Variants in SLC40A1 observed in about 807,000 individuals in gnomAD.
The protein encoded by SLC40A1 is solute carrier family 40 member 1, also known as ferroportin.
In SLC40A1, 16 loss-of-function variants were observed where a neutral mutation model predicts 53.5. That is an observed-to-expected ratio of 0.30 (90% CI 0.20 to 0.45). SLC40A1 has a LOEUF of 0.45. SLC40A1 is among the 20% of genes least tolerant of loss of function. The pLI, the probability that SLC40A1 is intolerant of heterozygous loss-of-function variation, is 1.00. For synonymous variants in SLC40A1, 247 were observed against 253.2 expected, an observed-to-expected ratio of 0.98 and a Z score of 0.23; for missense variants, 545 against 695.4, an observed-to-expected ratio of 0.78 and a Z score of 2.43.
At chr2:189,578,355 T>G in intron 2 of SLC40A1, 1 of 1,002,530 alleles carries the variant, frequency 1.0e-6, no homozygotes, top group Non-Finnish European at 1.2e-6. Context: ...CTTGACTTAC[T>G]GTAAAGTTGG....
rs982487102 is a variant in SLC40A1, at chr2:189,572,671, C to T, written c.387+175G>A. ...AAATTCAAACAATACTTAATGAGTG[C>T]CTGTTGTGGGCAAAACAACAACAAA... On this transcript the variant is annotated intron_variant, in intron 4 of 7. Transcript: ENST00000261024. The T allele has an allele frequency of 3.3e-5, 21 of 630,944 alleles. No individual in the cohort carries two copies. In the South Asian group the frequency reaches 3.8e-4, roughly 11 times the overall value. The allele number at this position is 630,944 out of a possible 1,614,324, so 39.1% of individuals were successfully genotyped here. A position where few individuals can be genotyped will look rare whatever the true frequency, so the allele number is the denominator to read the frequency against.
intron 4 of SLC40A1, among the ~76,000 whole-genome samples, chr2:189,572,324 G>A (rs946156027): frequency 6.6e-6 from 1 of 152,110 alleles, no homozygotes; most frequent in Admixed American, 6.6e-5. Context: ...ACCTGGCTTT[G>A]CAACTCTATA....
intron 5 of SLC40A1, among the ~76,000 whole-genome samples, chr2:189,570,187 C>T (rs2031083469): frequency 6.6e-6 from 1 of 151,476 alleles, no homozygotes; most frequent in Non-Finnish European, 1.5e-5. Flanking sequence ...TTTCATATTT[C>T]AGACTTTGCA....
At chr2:189,562,221 ATT>A in intron 7 of SLC40A1, 30 bp from the exon 8 acceptor site, 2 of 1,518,532 alleles carry the variant, frequency 1.3e-6, no homozygotes, top group South Asian at 1.2e-5. Context: ...TAAAGATTAG[ATT>A]TTAGTTTACA....
In SLC40A1 at chr2:189,580,402, G is replaced by C. The variant is rs755031977; in HGVS notation, c.43+16C>G. ...ACCTGGGTTTCCACCATATGCTTTC[G>C]GTCAACGACACTCACCACAGCATCC... is the stretch of plus-strand genomic sequence containing the variant. On this transcript the variant is annotated intron_variant, in intron 1 of 7. Coordinates refer to ENST00000261024, the MANE Select transcript of SLC40A1 (RefSeq NM_014585.6). 1.2e-6 allele frequency: 2 copies of C among 1,613,474 alleles called. No homozygotes were observed. Among genetic ancestry groups the C allele is most frequent in the South Asian group, 2.2e-5 (2 of 91,066 alleles).
At position 189,563,613 on chromosome 2, in the gene SLC40A1, A is replaced by T; in HGVS notation, c.1373T>A (p.Leu458Gln). The part of the protein sequence containing the change: ...ESVPIISVSL[L>Q]FAGVIAARIG... ...TCTAGCAGCAATGACGCCTGCAAAC[A>T]GCAGACTGACAGAGATTATGGGCAC... Residue 458 changes from leucine to glutamine, a missense_variant, in exon 7 of 8, where the codon CTG becomes CAG. Leu to Gln is a moderately radical substitution (Grantham distance 113). Transcript: ENST00000261024. The T allele has an allele frequency of 6.2e-7, 1 of 1,614,132 alleles. No homozygotes were observed. The highest frequency in any genetic ancestry group is 8.5e-7 in the Non-Finnish European group (1 of 1,179,988).
At chr2:189,580,254 G>T (rs1473321808) in intron 1 of SLC40A1, among the ~76,000 whole-genome samples, 164 bp downstream of exon 1, 1 of 152,164 alleles carries the variant, frequency 6.6e-6, no homozygotes, top group Admixed American at 6.5e-5. Flanking sequence ...CCCACACCCT[G>T]AATTTCCTTT....
intron 5 of SLC40A1, among the ~76,000 whole-genome samples, chr2:189,570,685 ATTC>A (rs2031098054): frequency 6.6e-6 from 1 of 152,200 alleles, no homozygotes; most frequent in Admixed American, 6.5e-5. Context: ...ATTCAGGCAA[ATTC>A]TTCTTCTAGA....
chr2:189,572,973 AAGAG>A lies in SLC40A1; in HGVS notation c.272-16_272-13del. On this transcript the variant is annotated splice_polypyrimidine_tract_variant and intron_variant, in intron 3 of 7. Coordinates refer to ENST00000261024, the MANE Select transcript of SLC40A1 (RefSeq NM_014585.6). Reference sequence around the variant, plus strand: ...CGAGGTCTGGGCCACTGTGCAGAGGAAGAGAGAAAGTGTACATTACATCAAAATG... The same window carrying A: ...CGAGGTCTGGGCCACTGTGCAGAGGAAGAAAGTGTACATTACATCAAAATG... 1 of 1,558,908 alleles carries A rather than the reference AAGAG, an allele frequency of 6.4e-7. No individual in the cohort carries two copies. The highest frequency in any genetic ancestry group is 1.4e-5 in the African/African-American group (1 of 73,826).
chr2:189,576,528 C>G (rs1167688472), intron 2 of SLC40A1, among the ~76,000 whole-genome samples: 2 of 152,214 alleles, frequency 1.3e-5, no homozygotes, highest in African/African-American at 4.8e-5. Flanking sequence ...CTCCTACCCC[C>G]ACCCCACCTC....
At chr2:189,568,420 C>T (rs937093793) in intron 5 of SLC40A1, among the ~76,000 whole-genome samples, 5 of 151,772 alleles carry the variant, frequency 3.3e-5, no homozygotes, top group Admixed American at 6.6e-5. Context: ...ACCCAGGAGG[C>T]GGAGCTTGCA....
chr2:189,575,275 G>A lies in SLC40A1; in HGVS notation c.157C>T (p.Leu53Phe). 1.2e-6 allele frequency: 2 copies of A among 1,614,028 alleles called. No homozygotes were observed. Among genetic ancestry groups the A allele is most frequent in the East Asian group, 2.2e-5 (1 of 44,872 alleles). ...HFAVSVFLVE[L>F]YGNSLLLTAV... ...GTCAAAAGGAGGCTGTTTCCATAGA[G>A]CTCTACCAGAAACACAGACACCGCA... The change falls in exon 3 of 8, where the codon CTC becomes TTC. Residue 53 changes from leucine to phenylalanine, a missense_variant. Leu to Phe is a conservative substitution (Grantham distance 22, BLOSUM62 0). Transcript: ENST00000261024.
In SLC40A1 at chr2:189,563,640, G is replaced by A; in HGVS notation, c.1346C>T (p.Ser449Phe). The A allele has an allele frequency of 6.2e-7, 1 of 1,614,158 alleles. No individual in the cohort carries two copies. The highest frequency in any genetic ancestry group is 8.5e-7 in the Non-Finnish European group (1 of 1,179,992). ...ANIVPETSPE[S>F]VPIISVSLLF... ...CAGACTGACAGAGATTATGGGCACA[G>A]ATTCAGGACTTGTCTCCGGGACAAT... The change falls in exon 7 of 8, where the codon TCT becomes TTT. Residue 449 changes from serine to phenylalanine, a missense_variant. Physicochemically the swap from Ser to Phe is radical, Grantham distance 155 (BLOSUM62 -2). Coordinates refer to ENST00000261024, the MANE Select transcript of SLC40A1 (RefSeq NM_014585.6).
In SLC40A1 at chr2:189,570,000, ATG is replaced by A. The variant is rs1052136997; in HGVS notation, c.514+1713_514+1714del. 2.9e-4 allele frequency among the ~76,000 whole-genome samples: 43 copies of A among 146,282 alleles called. 1 individual carries two copies. Among genetic ancestry groups the A allele is most frequent in the South Asian group, 2.2e-4 (1 of 4,622 alleles). ...TATATATATACACACCTATATATGT[ATG>A]TATATATATATACACACCTATATAT... On this transcript the variant is annotated intron_variant, in intron 5 of 7. Transcript: ENST00000261024.
chr2:189,565,336 T>A lies in SLC40A1; in HGVS notation c.760+18A>T, dbSNP rs1372007686. 2 of 1,614,054 alleles carry A rather than the reference T, an allele frequency of 1.2e-6. No homozygotes were observed. The highest frequency in any genetic ancestry group is 2.2e-5 in the South Asian group (2 of 91,062). On this transcript the variant is annotated intron_variant, in intron 6 of 7. Coordinates refer to ENST00000261024, the MANE Select transcript of SLC40A1 (RefSeq NM_014585.6). ...CTGAACATGAGAACAAAAGGAGAGA[T>A]CATTGTGTTCAGTTTACCTTTGTGT...
Position 189,576,525 on chromosome 2 carries a change from C to A in SLC40A1, c.112-1205G>T, listed in dbSNP as rs1201667597. Among the ~76,000 whole-genome samples, 3 of 152,094 alleles carry A rather than the reference C, an allele frequency of 2.0e-5. No homozygotes were observed. In the East Asian group the frequency reaches 5.8e-4, roughly 29 times the overall value. Reference sequence around the variant, plus strand: ...CTAGAGATGACTTTGCTTCTCCTACCCCCACCCCACCTCCCCGGGGATCAT... The same window carrying A: ...CTAGAGATGACTTTGCTTCTCCTACACCCACCCCACCTCCCCGGGGATCAT... On this transcript the variant is annotated intron_variant, in intron 2 of 7. Coordinates refer to ENST00000261024, the MANE Select transcript of SLC40A1 (RefSeq NM_014585.6).
intron 3 of SLC40A1, among the ~76,000 whole-genome samples, chr2:189,573,709 A>C (rs1019641792): frequency 3.9e-5 from 6 of 152,214 alleles, no homozygotes; most frequent in Non-Finnish European, 8.8e-5. Flanking sequence ...TAGGGTCATA[A>C]TGATGCTCAA....
At chr2:189,568,363 C>A (rs1015065067) in intron 5 of SLC40A1, among the ~76,000 whole-genome samples, 1 of 152,128 alleles carries the variant, frequency 6.6e-6, no homozygotes, top group African/African-American at 2.4e-5. Context: ...GTGGCGGGCG[C>A]CTGTAGTCAC....
rs370435973 is a variant in SLC40A1 at position 189,563,761 on chromosome 2, G to T, written c.1225C>A (p.Arg409=). 1 of 1,614,060 alleles carries T rather than the reference G, an allele frequency of 6.2e-7. No individual in the cohort carries two copies. Among genetic ancestry groups the T allele is most frequent in the Non-Finnish European group, 8.5e-7 (1 of 1,179,996 alleles). ...DLSVSPFEDI[R]SRFIQGESIT... ...GACTCTCCTTGAATGAACCTTGATC[G>T]GATATCTTCAAAAGGAGAAACGGAC... Residue 409 remains arginine (R), a synonymous_variant, in exon 7 of 8, where the codon CGA becomes AGA. Coordinates refer to ENST00000261024, the MANE Select transcript of SLC40A1 (RefSeq NM_014585.6).
Sources: allele counts gnomAD v4.1 joint callset (sites outside exome capture counted in the v4.1 genomes callset), GRCh38; gene constraint gnomAD v4.1.1; transcripts MANE v1.5; gene names NCBI Gene and HGNC (gene_info 2026-07-23, HGNC 2026-07-21).